Variants in ROBO2 observed in about 807,000 individuals in gnomAD.
ROBO2 encodes roundabout homolog 2.
In ROBO2, 53 loss-of-function variants were observed where a neutral mutation model predicts 160.8. The ratio of observed to expected loss-of-function variants is 0.33; its 90% CI spans 0.26 to 0.41. The LOEUF is 0.41. Among genes scored for constraint, ROBO2 ranks in the 10% least tolerant of loss-of-function variants. The probability of loss-of-function intolerance (pLI) is 1.00; values close to 1 mark genes in which losing one functional copy is unlikely to be tolerated. For synonymous variants in ROBO2, 664 were observed against 611.7 expected (o/e 1.09, Z -1.26); for missense variants, 1,577 against 1,722.4 (o/e 0.92, Z 1.49).
chr3:77,057,569 ATTT>A (rs71104648), intron 1 of ROBO2, among the ~76,000 whole-genome samples: 5 of 105,266 alleles, frequency 4.7e-5, no homozygotes, highest in East Asian at 3.1e-4. Context: ...ATTCCAGAGG[ATTT>A]TTTTTTTTTT....
At chr3:77,262,474 A>G (rs2153338109) in intron 2 of ROBO2, among the ~76,000 whole-genome samples, 1 of 152,254 alleles carries the variant, frequency 6.6e-6, no homozygotes, top group East Asian at 1.9e-4. Context: ...TGTATTCACA[A>G]TGAGAAAGCA....
chr3:76,293,016 T>G (rs542662584), intron 2 of ROBO2, among the ~76,000 whole-genome samples: 1 of 152,056 alleles, frequency 6.6e-6, no homozygotes, highest in African/African-American at 2.4e-5. Context: ...AACATAAAAA[T>G]TTTAAGTGGC....
chr3:77,176,446 G>C (rs980147009), intron 2 of ROBO2, among the ~76,000 whole-genome samples: 1 of 151,976 alleles, frequency 6.6e-6, no homozygotes, highest in East Asian at 1.9e-4. Context: ...AAATTTTAGG[G>C]TTTCTATTGA....
intron 2 of ROBO2, among the ~76,000 whole-genome samples, chr3:76,099,399 GAA>G (rs11304764): frequency 1.5e-4 from 23 of 150,412 alleles, no homozygotes; most frequent in African/African-American, 2.4e-4. Context: ...ATTTTGTGCT[GAA>G]AAAAAAAAAT....
chr3:77,445,153 G>C (rs181387533), intron 2 of ROBO2, among the ~76,000 whole-genome samples: 1 of 152,300 alleles, frequency 6.6e-6, no homozygotes, highest in East Asian at 1.9e-4. Context: ...GTCTTAAGAA[G>C]ATGAAGACAG....
chr3:75,979,954 G>A lies in ROBO2; in HGVS notation c.109+42352G>A, dbSNP rs114274014. ...TTCCTAAAAAATACCCATAGGAGCC[G>A]TGGATAAGGATAAAAGTGCTGAATT... On this transcript the variant is annotated intron_variant, in intron 2 of 26. Coordinates refer to the ROBO2 transcript ENST00000487694. 1.8e-3 allele frequency among the ~76,000 whole-genome samples: 276 copies of A among 151,568 alleles called. 3 individuals carry two copies. The highest frequency in any genetic ancestry group is 6.1e-3 in the African/African-American group (253 of 41,460).
chr3:77,210,415 A>T (rs887242839), intron 2 of ROBO2, among the ~76,000 whole-genome samples: 1 of 152,134 alleles, frequency 6.6e-6, no homozygotes, highest in Admixed American at 6.5e-5. Flanking sequence ...TATGATAATA[A>T]TATAATATTG....
chr3:76,300,696 T>G (rs1189446823), intron 2 of ROBO2, among the ~76,000 whole-genome samples: 2 of 152,024 alleles, frequency 1.3e-5, no homozygotes, highest in African/African-American at 4.8e-5. Flanking sequence ...TAAAATATTA[T>G]TTTCAGACTA....
intron 2 of ROBO2, among the ~76,000 whole-genome samples, chr3:76,975,316 C>T (rs1186060660): frequency 6.6e-6 from 1 of 151,986 alleles, no homozygotes; most frequent in Non-Finnish European, 1.5e-5. Flanking sequence ...ACCAGCCTGG[C>T]CAACATGGCG....
chr3:77,244,517 G>C (rs556995339), intron 2 of ROBO2, among the ~76,000 whole-genome samples: 2 of 152,292 alleles, frequency 1.3e-5, no homozygotes, highest in East Asian at 3.9e-4. Context: ...AAAATATAAA[G>C]TGAGAGATCC....
intron 2 of ROBO2, among the ~76,000 whole-genome samples, chr3:77,027,279 C>T (rs1435624314): frequency 6.6e-5 from 10 of 152,052 alleles, no homozygotes; most frequent in Admixed American, 6.5e-4. Context: ...AAATTTCAGC[C>T]TGAGCAAAGT....
chr3:77,267,632 G>T (rs1037849287), intron 2 of ROBO2, among the ~76,000 whole-genome samples: 2 of 152,170 alleles, frequency 1.3e-5, no homozygotes, highest in African/African-American at 4.8e-5. Flanking sequence ...AAATAAAACA[G>T]TTTATTTGTA....
chr3:77,100,804 C>T (rs964647844), intron 2 of ROBO2, among the ~76,000 whole-genome samples: 17 of 152,016 alleles, frequency 1.1e-4, no homozygotes, highest in African/African-American at 4.1e-4. Flanking sequence ...CTACGCAAAT[C>T]CGGAGGGAAG....
At chr3:76,915,409 C>G (rs572584748) in intron 2 of ROBO2, among the ~76,000 whole-genome samples, 1 of 152,088 alleles carries the variant, frequency 6.6e-6, no homozygotes, top group East Asian at 1.9e-4. Context: ...ACCTGTAATC[C>G]CAGCACTTTG....
intron 2 of ROBO2, among the ~76,000 whole-genome samples, chr3:76,784,127 C>T (rs759291080): frequency 6.6e-6 from 1 of 151,100 alleles, no homozygotes; most frequent in Non-Finnish European, 1.5e-5. Flanking sequence ...AGCTCAGTCA[C>T]TGGAGCTTTA....
intron 2 of ROBO2, among the ~76,000 whole-genome samples, chr3:77,302,973 T>C (rs1560487972): frequency 6.6e-6 from 1 of 152,162 alleles, no homozygotes; most frequent in Non-Finnish European, 1.5e-5. Flanking sequence ...TGCTCAGATG[T>C]TTTATCAGCT....
At chr3:76,087,308 ATAT>A (rs1348306655) in intron 2 of ROBO2, among the ~76,000 whole-genome samples, 1 of 152,090 alleles carries the variant, frequency 6.6e-6, no homozygotes, top group Non-Finnish European at 1.5e-5. Context: ...TCAAAGAAAA[ATAT>A]TATATCTGAC....
intron 2 of ROBO2, among the ~76,000 whole-genome samples, chr3:76,837,873 C>T (rs1032087541): frequency 2.6e-5 from 4 of 151,972 alleles, no homozygotes; most frequent in African/African-American, 9.7e-5. Flanking sequence ...CATTTGTTTT[C>T]ATCTATGATC....
At chr3:76,043,435 G>T (rs1272557915) in intron 2 of ROBO2, among the ~76,000 whole-genome samples, 2 of 151,356 alleles carry the variant, frequency 1.3e-5, no homozygotes, top group African/African-American at 2.4e-5. Context: ...CAACCCCAAA[G>T]CTTCTGACCT....
Sources: gnomAD v4.1 joint callset for allele counts (sites outside exome capture counted in the v4.1 genomes callset) on GRCh38, gnomAD v4.1.1 for gene constraint, MANE v1.5 for transcripts, NCBI Gene and HGNC (gene_info 2026-07-23, HGNC 2026-07-21) for gene names.